Variants in CEP83 observed in about 807,000 individuals in gnomAD.
CEP83 encodes the protein centrosomal protein 83, also known as centrosomal protein of 83 kDa.
A neutral mutation model predicts 101.9 loss-of-function variants in CEP83; 70 were observed. That is an observed-to-expected ratio of 0.69 (90% CI 0.57 to 0.84). The LOEUF is 0.84. CEP83 is among the 40% of genes least tolerant of loss of function. The pLI, the probability that CEP83 is intolerant of heterozygous loss-of-function variation, is 0.00. For synonymous variants in CEP83, 264 were observed against 267.9 expected, an observed-to-expected ratio of 0.99 and a Z score of 0.14; for missense variants, 715 against 787.2, an observed-to-expected ratio of 0.91 and a Z score of 1.10.
chr12:94,445,319 C>T (rs2066720224), intron 1 of CEP83, among the ~76,000 whole-genome samples: 1 of 151,792 alleles, frequency 6.6e-6, no homozygotes, highest in Non-Finnish European at 1.5e-5. Flanking sequence ...CTCCCCACGC[C>T]ATATACAAAA....
intron 6 of CEP83, among the ~76,000 whole-genome samples, chr12:94,381,402 T>C (rs1346993171): frequency 6.6e-6 from 1 of 152,202 alleles, no homozygotes; most frequent in Non-Finnish European, 1.5e-5. Flanking sequence ...CTATTCTAAA[T>C]ACAAACTTAC....
At chr12:94,336,065 A>C (rs1034539744) in intron 11 of CEP83, among the ~76,000 whole-genome samples, 17 of 151,830 alleles carry the variant, frequency 1.1e-4, no homozygotes, top group African/African-American at 4.1e-4. Context: ...ACTTACATCC[A>C]TATAGTATTT....
At chr12:94,352,378 C>T (rs199902701) in intron 11 of CEP83, among the ~76,000 whole-genome samples, 1 of 150,502 alleles carries the variant, frequency 6.6e-6, no homozygotes, top group East Asian at 1.9e-4. Flanking sequence ...CAAGATTGTG[C>T]CACTGCACTC....
At chr12:94,459,334 C>T (rs962854118) in intron 1 of CEP83, among the ~76,000 whole-genome samples, 26 of 152,132 alleles carry the variant, frequency 1.7e-4, no homozygotes, top group Admixed American at 4.6e-4. Flanking sequence ...GGTACTTAAA[C>T]GTCTGGCCAA....
At chr12:94,443,685 C>A (rs948943565) in intron 1 of CEP83, among the ~76,000 whole-genome samples, 5 of 151,892 alleles carry the variant, frequency 3.3e-5, no homozygotes, top group Non-Finnish European at 2.9e-5. Context: ...TAGGGTTTCA[C>A]CATGTTGGCA....
intron 11 of CEP83, among the ~76,000 whole-genome samples, chr12:94,340,046 T>C (rs534639754): frequency 6.6e-6 from 1 of 152,356 alleles, no homozygotes. Context: ...GATAGTTTTT[T>C]GGTTTGTTTT....
At chr12:94,294,590 G>A in the CEP83 span, 3 of 831,608 alleles carry the variant, frequency 3.6e-6, no homozygotes, top group East Asian at 8.0e-5. Flanking sequence ...GCTTCATAAA[G>A]TATTGCTTTT....
chr12:94,449,401 C>A (rs865930304), intron 1 of CEP83, among the ~76,000 whole-genome samples: 1 of 152,004 alleles, frequency 6.6e-6, no homozygotes, highest in Non-Finnish European at 1.5e-5. Flanking sequence ...CCCTCAGGAA[C>A]ATATACCCAA....
chr12:94,444,739 C>T (rs938271093), intron 1 of CEP83, among the ~76,000 whole-genome samples: 3 of 151,764 alleles, frequency 2.0e-5, no homozygotes, highest in African/African-American at 2.4e-5. Flanking sequence ...GGCTCATGCC[C>T]GTAATCTCAG....
chr12:94,381,577 A>G (rs1450712303), intron 6 of CEP83, among the ~76,000 whole-genome samples: 4 of 152,170 alleles, frequency 2.6e-5, no homozygotes, highest in Non-Finnish European at 5.9e-5. Flanking sequence ...AGGTAGTGTT[A>G]CCTAATTACT....
At chr12:94,280,085 AGCCTGCTAGAAAGGTCATCTTCCTCT>A in the CEP83 span, 1 of 334,704 alleles carries the variant, frequency 3.0e-6, no homozygotes, top group Non-Finnish European at 5.9e-6. Context: ...TGTTAACTCT[AGCCTGCTAGAAAGGTCATCTTCCTCT>A]GCTAATCACA....
intron 6 of CEP83, among the ~76,000 whole-genome samples, chr12:94,396,061 C>A (rs1206478477): frequency 6.6e-6 from 1 of 152,198 alleles, no homozygotes; most frequent in East Asian, 1.9e-4. Context: ...TATTTTGTCT[C>A]CACTGAATTA....
the CEP83 span, chr12:94,272,337 C>T: frequency 6.6e-6 from 1 of 152,250 alleles, no homozygotes; most frequent in African/African-American, 2.4e-5. Flanking sequence ...GTCTGCTCAC[C>T]CCAGCCTCAT....
intron 2 of CEP83, among the ~76,000 whole-genome samples, chr12:94,435,068 T>C (rs933914674): frequency 3.9e-5 from 6 of 152,238 alleles, no homozygotes. Flanking sequence ...AAAGTCAAGC[T>C]GCACCTCTCA....
chr12:94,347,050 A>AATATATATAT (rs137940620), intron 11 of CEP83, among the ~76,000 whole-genome samples: 19,107 of 131,564 alleles, frequency 0.15, 1,488 homozygotes, highest in Non-Finnish European at 0.18. Context: ...AAAATAAACA[A>AATATATATAT]ATATATATAT....
rs576760754 is a variant in CEP83 at position 94,432,882 on chromosome 12, G to C, written c.-102+2393C>G. Among the ~76,000 whole-genome samples, 46 of 152,210 alleles carry C rather than the reference G, an allele frequency of 3.0e-4. No homozygotes were observed. The South Asian group carries it at 3.5e-3, about 12-fold the overall frequency. Reference sequence around the variant, plus strand: ...TGTAAACTATGTGCCAATTTAAAAAGAGAGGAACTTCAAAAAAATTATAAA... The same window carrying C: ...TGTAAACTATGTGCCAATTTAAAAACAGAGGAACTTCAAAAAAATTATAAA... On this transcript the variant is annotated intron_variant, in intron 2 of 16. Coordinates refer to ENST00000397809, the MANE Select transcript of CEP83 (RefSeq NM_016122.3).
At chr12:94,379,796 C>T (rs1169161647) in intron 6 of CEP83, among the ~76,000 whole-genome samples, 5 of 152,040 alleles carry the variant, frequency 3.3e-5, no homozygotes, top group African/African-American at 4.8e-5. Flanking sequence ...AGACCAGGGG[C>T]AAGCAATCAG....
intron 6 of CEP83, among the ~76,000 whole-genome samples, chr12:94,382,849 T>C (rs1308813431): frequency 1.3e-5 from 2 of 152,010 alleles, no homozygotes; most frequent in African/African-American, 2.4e-5. Context: ...GTGTTCTCCT[T>C]GGGTGGCATG....
At chr12:94,352,496 C>T (rs565457937) in intron 11 of CEP83, among the ~76,000 whole-genome samples, 2 of 149,954 alleles carry the variant, frequency 1.3e-5, no homozygotes, top group Non-Finnish European at 3.0e-5. Flanking sequence ...CAGTAATAGA[C>T]CCTAACGAAA....
Sources: allele counts gnomAD v4.1 joint callset (sites outside exome capture counted in the v4.1 genomes callset), GRCh38; gene constraint gnomAD v4.1.1; transcripts MANE v1.5; gene names NCBI Gene and HGNC (gene_info 2026-07-23, HGNC 2026-07-21).